PCDH15: variants seen among roughly 807,000 people sequenced by gnomAD.
PCDH15 encodes the protein protocadherin-15.
A neutral mutation model predicts 178.5 loss-of-function variants in PCDH15; 129 were observed. The ratio of observed to expected loss-of-function variants is 0.72; its 90% CI spans 0.63 to 0.84. PCDH15 has a LOEUF of 0.84. PCDH15 is among the 40% of genes least tolerant of loss of function. The probability of loss-of-function intolerance (pLI) is 0.00; values close to 1 mark genes in which losing one functional copy is unlikely to be tolerated. For synonymous variants in PCDH15, 800 were observed against 732.0 expected, an observed-to-expected ratio of 1.09 and a Z score of -1.50; for missense variants, 2,230 against 2,099.9, an observed-to-expected ratio of 1.06 and a Z score of -1.21.
At chr10:54,570,148 G>A (rs996150537) in intron 2 of PCDH15, among the ~76,000 whole-genome samples, 1 of 151,980 alleles carries the variant, frequency 6.6e-6, no homozygotes, top group African/African-American at 2.4e-5. Context: ...AAGGAGAATG[G>A]ATCAACTACA....
At chr10:54,594,273 T>C (rs1565691122) in intron 2 of PCDH15, among the ~76,000 whole-genome samples, 1 of 152,086 alleles carries the variant, frequency 6.6e-6, no homozygotes, top group Non-Finnish European at 1.5e-5. Context: ...CAGGAGCATC[T>C]ATAGTGGAGA....
At chr10:54,526,308 A>G (rs1930145) in intron 3 of PCDH15, among the ~76,000 whole-genome samples, 25,712 of 152,210 alleles carry the variant, frequency 0.17, 2,481 homozygotes, top group East Asian at 0.44. Flanking sequence ...GTTTTATTTC[A>G]GCCCAGCTTA....
chr10:54,528,546 G>T, intron 2 of PCDH15: 1 of 583,008 alleles, frequency 1.7e-6, no homozygotes, highest in Non-Finnish European at 2.8e-6. Context: ...ATGATTTGTG[G>T]AAATAGAATA....
chr10:55,343,805 T>A (rs1844668071), intron 2 of PCDH15, among the ~76,000 whole-genome samples: 1 of 152,130 alleles, frequency 6.6e-6, no homozygotes. Flanking sequence ...ATTGAACACA[T>A]ATTACGTGCC....
At chr10:55,189,065 C>T (rs992304786) in intron 1 of PCDH15, among the ~76,000 whole-genome samples, 60 of 151,750 alleles carry the variant, frequency 4.0e-4, no homozygotes, top group Non-Finnish European at 5.9e-5. Context: ...AAAAAATTAC[C>T]TTTAAAAATG....
At chr10:55,280,391 G>C (rs963529180) in intron 1 of PCDH15, among the ~76,000 whole-genome samples, 3 of 140,288 alleles carry the variant, frequency 2.1e-5, no homozygotes, top group Non-Finnish European at 4.5e-5. Flanking sequence ...GGATTCTCTC[G>C]CCTCAGCCTC....
chr10:55,254,927 A>G (rs1255391453), intron 1 of PCDH15, among the ~76,000 whole-genome samples: 1 of 149,972 alleles, frequency 6.7e-6, no homozygotes, highest in Admixed American at 6.7e-5. Context: ...GTTTAAAATA[A>G]TTCAGCTAGT....
At chr10:53,826,632 C>CTGGATT (rs2076697869) in intron 32 of PCDH15, among the ~76,000 whole-genome samples, 1 of 152,000 alleles carries the variant, frequency 6.6e-6, no homozygotes, top group East Asian at 1.9e-4. Flanking sequence ...CTGAACATCA[C>CTGGATT]CATAAGGAAT....
At chr10:55,304,424 C>G (rs1358804117) in intron 1 of PCDH15, among the ~76,000 whole-genome samples, 1 of 152,164 alleles carries the variant, frequency 6.6e-6, no homozygotes. Flanking sequence ...GTCTGCCTTC[C>G]TGCCATCTTT....
chr10:55,001,778 A>G (rs1839801394), intron 2 of PCDH15, among the ~76,000 whole-genome samples: 1 of 152,192 alleles, frequency 6.6e-6, no homozygotes, highest in Non-Finnish European at 1.5e-5. Context: ...AGTGAGCCCA[A>G]GCAAAACTCA....
At chr10:54,368,685 C>T (rs1192285480) in intron 5 of PCDH15, among the ~76,000 whole-genome samples, 2 of 151,864 alleles carry the variant, frequency 1.3e-5, no homozygotes, top group African/African-American at 4.8e-5. Context: ...TATTTCAGAA[C>T]TTGATTTTAA....
rs913130339 is a variant in PCDH15, at chr10:53,995,904, A to C, written c.2752-139T>G. The stretch of plus-strand genomic sequence containing the variant: ...CCATCCTCTCAATTCCATTACTCTC[A>C]TTTCAGACTGGCACCTCAGAGGAAA... On this transcript the variant is annotated intron_variant, in intron 20 of 37. Transcript: ENST00000644397. The C allele has an allele frequency of 1.1e-5, 9 of 791,952 alleles. No individual in the cohort carries two copies. In the African/African-American group the frequency reaches 1.4e-4, roughly 12 times the overall value. The allele number at this position is 791,952 out of a possible 1,614,324, so 49.1% of individuals were successfully genotyped here.
At chr10:54,585,538 A>T (rs765226669) in intron 2 of PCDH15, 25 of 254,778 alleles carry the variant, frequency 9.8e-5, no homozygotes, top group Non-Finnish European at 1.7e-4. Context: ...TTTTAACTTC[A>T]TAGCTGTAGG....
intron 1 of PCDH15, among the ~76,000 whole-genome samples, chr10:55,217,125 A>G (rs897216645): frequency 3.3e-5 from 5 of 151,906 alleles, no homozygotes; most frequent in Admixed American, 6.6e-5. Context: ...AGCTGAATGA[A>G]CATTGGTAAC....
At chr10:55,482,012 C>A (rs1292408397) in intron 2 of PCDH15, among the ~76,000 whole-genome samples, 1 of 151,776 alleles carries the variant, frequency 6.6e-6, no homozygotes, top group Non-Finnish European at 1.5e-5. Flanking sequence ...TCTGGGTGCT[C>A]TTGTATTAGG....
At position 54,604,536 on chromosome 10, in the gene PCDH15, T is replaced by G. The variant is rs143678763; in HGVS notation, c.91+59636A>C. 1.1e-4 allele frequency among the ~76,000 whole-genome samples: 17 copies of G among 152,162 alleles called. No individual in the cohort carries two copies. The East Asian group carries it at 2.5e-3, about 22-fold the overall frequency. The stretch of plus-strand genomic sequence containing the variant: ...TTTATGTAATGACCTTCTTTGCCCC[T>G]GGAGACAGTTTTTGACATAAAGTCT... On this transcript the variant is annotated intron_variant, in intron 2 of 37. Transcript: ENST00000644397.
chr10:53,891,796 T>TA (rs113664953), intron 26 of PCDH15, among the ~76,000 whole-genome samples: 47 of 145,762 alleles, frequency 3.2e-4, no homozygotes, highest in Admixed American at 4.7e-4. Context: ...TTACTAAAAA[T>TA]AAAAAAAAAA....
chr10:55,446,073 C>G (rs1397637316), intron 2 of PCDH15, among the ~76,000 whole-genome samples: 1 of 152,066 alleles, frequency 6.6e-6, no homozygotes, highest in Non-Finnish European at 1.5e-5. Flanking sequence ...TGAGGCCATC[C>G]AGTTTGCAAC....
intron 1 of PCDH15, among the ~76,000 whole-genome samples, chr10:55,171,222 T>C (rs935990811): frequency 6.6e-6 from 1 of 152,216 alleles, no homozygotes; most frequent in African/African-American, 2.4e-5. Flanking sequence ...TCTGTAGTCA[T>C]GTCAAAATTA....
Sources: allele counts gnomAD v4.1 joint callset (sites outside exome capture counted in the v4.1 genomes callset), GRCh38; gene constraint gnomAD v4.1.1; transcripts MANE v1.5; gene names NCBI Gene and HGNC (gene_info 2026-07-23, HGNC 2026-07-21).